The following LRBA variants were observed in gnomAD, a reference collection of about 807,000 sequenced individuals.
LRBA encodes LPS responsive beige-like anchor protein.
Under a neutral mutation model 330.0 loss-of-function variants are expected in LRBA, and 176 were observed. The ratio of observed to expected loss-of-function variants is 0.53; its 90% confidence interval spans 0.47 to 0.60. The LOEUF is 0.60. LRBA is among the 20% of genes least tolerant of loss of function. The pLI is 0.00. For missense variants in LRBA, 3,259 were observed against 3,444.8 expected, an observed-to-expected ratio of 0.95 and a Z score of 1.35; for synonymous variants, 1,230 against 1,193.0, an observed-to-expected ratio of 1.03 and a Z score of -0.64.
At chr4:150,830,644 T>A (rs1253612250) in intron 29 of LRBA, among the ~76,000 whole-genome samples, 2 of 152,072 alleles carry the variant, frequency 1.3e-5, no homozygotes, top group Non-Finnish European at 2.9e-5. Flanking sequence ...ATTAAAATGG[T>A]TATGGTCTTA....
intron 30 of LRBA, among the ~76,000 whole-genome samples, chr4:150,826,831 C>T (rs1199454243): frequency 6.6e-6 from 1 of 152,140 alleles, no homozygotes; most frequent in Non-Finnish European, 1.5e-5. Context: ...GAGAACCCAA[C>T]AGAACATCGT....
chr4:150,328,421 T>C (rs1733571833), intron 48 of LRBA, among the ~76,000 whole-genome samples: 1 of 152,082 alleles, frequency 6.6e-6, no homozygotes, highest in Non-Finnish European at 1.5e-5. Flanking sequence ...TTCTCTCTTG[T>C]TGTATATGTG....
At chr4:150,868,143 T>C (rs767853166) in intron 21 of LRBA, 39 bp downstream of exon 21, 8 of 1,572,192 alleles carry the variant, frequency 5.1e-6, no homozygotes, top group South Asian at 3.6e-5. Context: ...CAAAAGTACA[T>C]TTGAATACTG....
chr4:150,859,938 AAAG>A (rs1180172704), intron 22 of LRBA, among the ~76,000 whole-genome samples: 1 of 152,220 alleles, frequency 6.6e-6, no homozygotes, highest in Non-Finnish European at 1.5e-5. Flanking sequence ...TTTTTAGAGA[AAAG>A]AAAATTTTGT....
intron 35 of LRBA, among the ~76,000 whole-genome samples, chr4:150,751,463 A>G (rs1013930848): frequency 7.9e-5 from 12 of 152,150 alleles, no homozygotes; most frequent in East Asian, 7.7e-4. Flanking sequence ...TAAGGGGTCA[A>G]TTTTTCTTAT....
intron 36 of LRBA, among the ~76,000 whole-genome samples, chr4:150,700,821 G>A (rs963435844): frequency 2.0e-5 from 3 of 150,152 alleles, no homozygotes; most frequent in Non-Finnish European, 2.9e-5. Flanking sequence ...GCAGTGGCAC[G>A]ATCACAGCTA....
intron 33 of LRBA, among the ~76,000 whole-genome samples, chr4:150,805,056 T>C (rs1742359931): frequency 6.6e-6 from 1 of 152,044 alleles, no homozygotes; most frequent in Admixed American, 6.6e-5. Flanking sequence ...TTATCCTCTA[T>C]TGAACTGCAA....
At chr4:150,975,019 A>C (rs1739990148) in intron 2 of LRBA, among the ~76,000 whole-genome samples, 1 of 152,232 alleles carries the variant, frequency 6.6e-6, no homozygotes, top group East Asian at 1.9e-4. Context: ...TCTCCAAGAA[A>C]TATAACACAG....
At chr4:150,632,208 G>C (rs1777449638) in intron 37 of LRBA, among the ~76,000 whole-genome samples, 1 of 145,906 alleles carries the variant, frequency 6.9e-6, no homozygotes, top group Admixed American at 7.0e-5. Flanking sequence ...TCCAGCCTGG[G>C]AGACAGAGTG....
chr4:150,918,322 C>T (rs1382912700), intron 5 of LRBA, among the ~76,000 whole-genome samples: 1 of 152,034 alleles, frequency 6.6e-6, no homozygotes, highest in South Asian at 2.1e-4. Flanking sequence ...TACATATCTC[C>T]AAAGAAGATA....
chr4:150,959,435 G>A (rs369904778), intron 2 of LRBA, among the ~76,000 whole-genome samples: 1 of 149,200 alleles, frequency 6.7e-6, no homozygotes, highest in African/African-American at 2.6e-5. Context: ...ATGAAAATAT[G>A]AGCCTGAAAT....
At chr4:150,666,549 G>GT (rs1191671844) in intron 37 of LRBA, among the ~76,000 whole-genome samples, 1 of 151,788 alleles carries the variant, frequency 6.6e-6, no homozygotes, top group Non-Finnish European at 1.5e-5. Flanking sequence ...TTAAAATATA[G>GT]TAAAACAACC....
At chr4:150,971,490 A>G (rs1435631706) in intron 2 of LRBA, among the ~76,000 whole-genome samples, 3 of 152,196 alleles carry the variant, frequency 2.0e-5, no homozygotes, top group African/African-American at 7.2e-5. Context: ...CCTCAACTCA[A>G]CACAACAGAA....
chr4:150,430,794 A>G (rs1053151216), intron 46 of LRBA, among the ~76,000 whole-genome samples: 6 of 152,136 alleles, frequency 3.9e-5, no homozygotes, highest in Non-Finnish European at 5.9e-5. Context: ...AGATCCATTT[A>G]CTACTGTCCC....
chr4:150,985,831 T>A (rs1741402409), intron 2 of LRBA, among the ~76,000 whole-genome samples: 1 of 152,048 alleles, frequency 6.6e-6, no homozygotes, highest in Admixed American at 6.5e-5. Context: ...TATTTTTATA[T>A]CATGTTGTTA....
intron 47 of LRBA, among the ~76,000 whole-genome samples, chr4:150,398,833 G>A (rs1745097328): frequency 6.6e-6 from 1 of 152,010 alleles, no homozygotes; most frequent in African/African-American, 2.4e-5. Context: ...TTGCTGTGTT[G>A]TTCAGGCTGG....
chr4:150,704,118 G>A (rs891161927), intron 36 of LRBA, among the ~76,000 whole-genome samples: 1 of 152,114 alleles, frequency 6.6e-6, no homozygotes, highest in African/African-American at 2.4e-5. Context: ...GGAGGCTGAG[G>A]TGAGAGGGTC....
At chr4:150,871,487 G>T in intron 18 of LRBA, 34 bp from the exon 19 acceptor site, 1 of 1,289,438 alleles carries the variant, frequency 7.8e-7, no homozygotes, top group South Asian at 1.2e-5. Flanking sequence ...ATCAAATGTA[G>T]AGCTTTTCTG....
intron 47 of LRBA, among the ~76,000 whole-genome samples, chr4:150,354,679 G>T (rs188616214): frequency 2.8e-3 from 424 of 151,874 alleles, no homozygotes; most frequent in African/African-American, 9.5e-3. Context: ...TCCAATCCAG[G>T]GGGACTCATA....
Sources: gnomAD v4.1 joint callset for allele counts (sites outside exome capture counted in the v4.1 genomes callset) on GRCh38, gnomAD v4.1.1 for gene constraint, MANE v1.5 for transcripts, NCBI Gene and HGNC (gene_info 2026-07-23, HGNC 2026-07-21) for gene names.